Variants in KCNT1 observed in about 807,000 individuals in gnomAD.
The protein encoded by KCNT1 is potassium channel subfamily T member 1.
Under a neutral mutation model 147.8 loss-of-function variants are expected in KCNT1, and 78 were observed. The observed-to-expected ratio is 0.53, with a 90% CI of 0.44 to 0.64. KCNT1 has a LOEUF of 0.64. KCNT1 is among the 30% of genes least tolerant of loss of function. KCNT1 has a pLI of 0.00. For synonymous variants in KCNT1, 867 were observed against 748.8 expected (o/e 1.16, Z -2.58); for missense variants, 1,419 against 1,750.3 (o/e 0.81, Z 3.38).
intron 24 of KCNT1, among the ~76,000 whole-genome samples, chr9:135,780,413 C>A (rs542427144): frequency 6.6e-6 from 1 of 152,204 alleles, no homozygotes; most frequent in Non-Finnish European, 1.5e-5. Flanking sequence ...AGGACACACA[C>A]GGGCACTCCC....
At chr9:135,763,071 G>A (rs1832020279) in intron 11 of KCNT1, among the ~76,000 whole-genome samples, 1 of 152,218 alleles carries the variant, frequency 6.6e-6, no homozygotes, top group Admixed American at 6.5e-5. Flanking sequence ...GAGGCAGGGA[G>A]GAAGGCGGGG....
chr9:135,751,032 G>C lies in KCNT1; in HGVS notation c.425G>C (p.Gly142Ala). ...GTCCTGCTCGATGACCCGGCCCTGG[G>C]CATCGGATGGTGGGCCACGTGCGCG... ...VRVLLDDPAL[G>A]IGCWGCPKQN... Residue 142 changes from glycine (G) to alanine (A), a missense_variant, in exon 4 of 31, where the codon GGC becomes GCC. Gly to Ala is a moderately conservative substitution (Grantham distance 60, BLOSUM62 0). Around this residue, in one of 5 missense-constraint regions of KCNT1, gnomAD observed 401 missense variants for 610.6 expected, o/e 0.66. Coordinates refer to ENST00000371757, the MANE Select transcript of KCNT1 (RefSeq NM_020822.3). 1.2e-6 allele frequency: 2 copies of C among 1,610,844 alleles called. No individual in the cohort carries two copies. The highest frequency in any genetic ancestry group is 1.7e-6 in the Non-Finnish European group (2 of 1,179,688).
intron 20 of KCNT1, among the ~76,000 whole-genome samples, 154 bp from the exon 21 acceptor site, chr9:135,777,184 C>T (rs1390529042): frequency 6.6e-6 from 1 of 152,224 alleles, no homozygotes; most frequent in Non-Finnish European, 1.5e-5. Flanking sequence ...CTGTAGCTCC[C>T]CACAGGCGTG....
chr9:135,783,662 C>A (rs1040087770), intron 24 of KCNT1, among the ~76,000 whole-genome samples: 1 of 152,210 alleles, frequency 6.6e-6, no homozygotes, highest in South Asian at 2.1e-4. Flanking sequence ...TACAAAACAC[C>A]GGGGGAGGAG....
chr9:135,725,068 G>A (rs1189652187), intron 2 of KCNT1, among the ~76,000 whole-genome samples: 1 of 152,206 alleles, frequency 6.6e-6, no homozygotes, highest in Non-Finnish European at 1.5e-5. Context: ...GGCGTGTGGT[G>A]GACACATGAC....
At chr9:135,716,327 T>C (rs1341755020) in intron 2 of KCNT1, among the ~76,000 whole-genome samples, 1 of 152,140 alleles carries the variant, frequency 6.6e-6, no homozygotes, top group Non-Finnish European at 1.5e-5. Context: ...AATGCTGTAT[T>C]CCTGAGTGTT....
chr9:135,725,001 G>A (rs1015638484), intron 2 of KCNT1, among the ~76,000 whole-genome samples: 5 of 152,360 alleles, frequency 3.3e-5, no homozygotes, highest in Admixed American at 1.3e-4. Flanking sequence ...GGGTAATCTT[G>A]GTGGAAGCAG....
chr9:135,744,643 C>T (rs1830723404), intron 2 of KCNT1, among the ~76,000 whole-genome samples: 1 of 152,170 alleles, frequency 6.6e-6, no homozygotes, highest in African/African-American at 2.4e-5. Flanking sequence ...ACGGGGCTGG[C>T]CAGGAGCTGC....
At chr9:135,735,264 C>G (rs1393842962) in intron 2 of KCNT1, among the ~76,000 whole-genome samples, 1 of 152,174 alleles carries the variant, frequency 6.6e-6, no homozygotes, top group Non-Finnish European at 1.5e-5. Context: ...GGCGCTAGGG[C>G]AGGTATCGGG....
intron 11 of KCNT1, among the ~76,000 whole-genome samples, chr9:135,762,230 GC>G (rs1269400626): frequency 6.6e-6 from 1 of 152,220 alleles, no homozygotes; most frequent in Non-Finnish European, 1.5e-5. Flanking sequence ...GATCGCTTGA[GC>G]CCAGGAATTT....
chr9:135,718,182 C>T (rs492361), intron 2 of KCNT1, among the ~76,000 whole-genome samples: 54,101 of 152,128 alleles, frequency 0.36, 9,797 homozygotes, highest in East Asian at 0.58. Flanking sequence ...TCCCCAGTGC[C>T]TGTGCCTTCC....
At chr9:135,739,176 TGAG>T (rs1406833911) in intron 2 of KCNT1, among the ~76,000 whole-genome samples, 1 of 152,100 alleles carries the variant, frequency 6.6e-6, no homozygotes, top group Non-Finnish European at 1.5e-5. Flanking sequence ...GGGCCCATGC[TGAG>T]GAGCTCACCT....
At chr9:135,760,137 CTCCCAG>C (rs1831817541) in intron 11 of KCNT1, among the ~76,000 whole-genome samples, 1 of 152,170 alleles carries the variant, frequency 6.6e-6, no homozygotes, top group Admixed American at 6.5e-5. Flanking sequence ...TGACCTGCCC[CTCCCAG>C]GCCCAGGCAG....
At chr9:135,732,018 A>G (rs1371034721) in intron 2 of KCNT1, among the ~76,000 whole-genome samples, 11 of 114,416 alleles carry the variant, frequency 9.6e-5, no homozygotes, top group Non-Finnish European at 1.7e-4. Flanking sequence ...AGAGAGAGAG[A>G]GAGAGAGAGA....
intron 19 of KCNT1, among the ~76,000 whole-genome samples, chr9:135,774,133 G>A (rs1832947732): frequency 6.6e-6 from 1 of 151,694 alleles, no homozygotes; most frequent in African/African-American, 2.4e-5. Context: ...TGTGTGTTGT[G>A]TGATATGTGA....
In KCNT1 at chr9:135,757,392, G is replaced by T. The variant is rs1376011545; in HGVS notation, c.759+11G>T. The T allele has an allele frequency of 9.3e-6, 15 of 1,605,138 alleles. No individual in the cohort carries two copies. Among genetic ancestry groups the T allele is most frequent in the Non-Finnish European group, 1.2e-5 (14 of 1,179,530 alleles). On this transcript the variant is annotated intron_variant, in intron 9 of 30. Coordinates refer to ENST00000371757, the MANE Select transcript of KCNT1 (RefSeq NM_020822.3). ...CTGGAAAACATGATTGTAAGCCGGGGCGGGGGGTGCAGCTGGGACTTGGGG... is the reference window on the plus strand; with the variant it reads ...CTGGAAAACATGATTGTAAGCCGGGTCGGGGGGTGCAGCTGGGACTTGGGG...
chr9:135,751,123 C>G, intron 4 of KCNT1, 82 bp downstream of exon 4: 1 of 1,308,290 alleles, frequency 7.6e-7, no homozygotes, highest in Admixed American at 1.7e-5. Flanking sequence ...AAGCTGATGG[C>G]GTCCCTGGGG....
chr9:135,702,431 C>A, intron 1 of KCNT1, 63 bp downstream of exon 1: 1 of 1,310,398 alleles, frequency 7.6e-7, no homozygotes, highest in Non-Finnish European at 1.1e-6. Flanking sequence ...CCCCCAAGTT[C>A]CCCCTCAGGC....
chr9:135,746,827 A>G (rs1830857709), intron 2 of KCNT1, among the ~76,000 whole-genome samples: 1 of 152,152 alleles, frequency 6.6e-6, no homozygotes, highest in South Asian at 2.1e-4. Context: ...GTGGCCAGGC[A>G]GGAGCCCAAG....
Sources: allele counts gnomAD v4.1 joint callset (sites outside exome capture counted in the v4.1 genomes callset), GRCh38; gene constraint gnomAD v4.1.1; regional missense constraint gnomAD v4.1.1; transcripts MANE v1.5; gene names NCBI Gene and HGNC (gene_info 2026-07-23, HGNC 2026-07-21).